The following SEC23A variants were observed in gnomAD, a reference collection of about 807,000 sequenced individuals.
SEC23A encodes the protein SEC23 homolog A, COPII component.
A neutral mutation model predicts 103.7 loss-of-function variants in SEC23A; 56 were observed. That is an observed-to-expected ratio of 0.54 (90% CI 0.44 to 0.67). The LOEUF is 0.67. Ranked by LOEUF, SEC23A falls within the 30% of genes least tolerant of loss-of-function variation. The pLI is 0.00. For missense variants in SEC23A, 784 were observed against 936.4 expected, an observed-to-expected ratio of 0.84 and a Z score of 2.12; for synonymous variants, 281 against 293.0, an observed-to-expected ratio of 0.96 and a Z score of 0.42.
At position 39,091,692 on chromosome 14, in the gene SEC23A, T is replaced by C. The variant is rs1887669757; in HGVS notation, c.388A>G (p.Ile130Val). Residue 130 changes from isoleucine (I) to valine (V), a missense_variant, in exon 5 of 20, where the codon ATA becomes GTA. Ile to Val is a conservative substitution (Grantham distance 29). Transcript: ENST00000307712. Reference protein sequence around the residue: ...VVLRGPQMPLIFLYVVDTCME... With the variant: ...VVLRGPQMPLVFLYVVDTCME... ...CAAGTATCAACCACATAGAGGAATA[T>C]CAAAGGCATCTGAGGACCACGCTTT... 4.3e-6 allele frequency: 7 copies of C among 1,613,630 alleles called. No homozygotes were observed. The highest frequency in any genetic ancestry group is 5.9e-6 in the Non-Finnish European group (7 of 1,179,750).
intron 9 of SEC23A, among the ~76,000 whole-genome samples, chr14:39,069,142 A>G (rs1055646783): frequency 3.3e-5 from 5 of 152,162 alleles, no homozygotes; most frequent in African/African-American, 1.2e-4. Context: ...CTATGAAGGA[A>G]TTGTCCACAC....
At chr14:39,070,766 CCT>C (rs1368196367) in intron 9 of SEC23A, among the ~76,000 whole-genome samples, 1 of 152,198 alleles carries the variant, frequency 6.6e-6, no homozygotes, top group African/African-American at 2.4e-5. Flanking sequence ...GTAGCTCATG[CCT>C]ATAATCCCAG....
chr14:39,069,693 C>G (rs1886780757), intron 9 of SEC23A, among the ~76,000 whole-genome samples: 3 of 152,144 alleles, frequency 2.0e-5, no homozygotes, highest in Admixed American at 6.5e-5. Flanking sequence ...CTCCTGAGCT[C>G]AAGCAGTCCA....
chr14:39,096,305 C>T (rs915532247), intron 1 of SEC23A, among the ~76,000 whole-genome samples, 166 bp from the exon 2 acceptor site: 1 of 152,088 alleles, frequency 6.6e-6, no homozygotes, highest in East Asian at 1.9e-4. Flanking sequence ...CCGAGACAGG[C>T]GGATCACCTG....
At chr14:39,045,506 A>T (rs1011433756) in intron 15 of SEC23A, among the ~76,000 whole-genome samples, 182 bp from the exon 16 acceptor site, 2 of 150,670 alleles carry the variant, frequency 1.3e-5, no homozygotes, top group Non-Finnish European at 1.5e-5. Context: ...AGCTGCCTAA[A>T]AATAAAATTC....
chr14:39,074,816 A>C (rs897098000), intron 8 of SEC23A, among the ~76,000 whole-genome samples: 3 of 152,214 alleles, frequency 2.0e-5, no homozygotes, highest in African/African-American at 7.2e-5. Context: ...AACATAGCAC[A>C]AAAACAACAG....
In SEC23A at chr14:39,094,432, ATATATATATATTTT is replaced by A. The variant is rs1414701017; in HGVS notation, c.222-1202_222-1189del. Reference sequence around the variant, plus strand: ...TATATATATATATATATATATATATATATATATATATTTTTTTTTTTTTTTTTTCCCCTCCTGTA... The same window carrying A: ...TATATATATATATATATATATATATATTTTTTTTTTTTTTCCCCTCCTGTA... On this transcript the variant is annotated intron_variant, in intron 2 of 19. Coordinates refer to ENST00000307712, the MANE Select transcript of SEC23A (RefSeq NM_006364.4). 6.1e-3 allele frequency among the ~76,000 whole-genome samples: 223 copies of A among 36,842 alleles called. 45 individuals are homozygous for A. The highest frequency in any genetic ancestry group is 0.041 in the African/African-American group (176 of 4,262). The allele number at this position is 36,842 out of a possible 152,430, so 24.2% of individuals were successfully genotyped here. A position where few individuals can be genotyped will look rare whatever the true frequency, so the allele number is the denominator to read the frequency against.
chr14:39,091,523 C>A lies in SEC23A; in HGVS notation c.557G>T (p.Ser186Ile), dbSNP rs541602739. The stretch of plus-strand genomic sequence containing the variant: ...ATCTTTTGTTCCTCTGAAGACATAG[C>A]TTTTTGAAATGCCTTCACATCCAAG... Reference protein sequence around the residue: ...HELGCEGISKSYVFRGTKDLS... With the variant: ...HELGCEGISKIYVFRGTKDLS... Residue 186 changes from serine (S) to isoleucine (I), a missense_variant, in exon 5 of 20, where the codon AGC becomes ATC. Around this residue, in one of 2 missense-constraint regions of SEC23A, gnomAD observed 683 missense variants for 774.2 expected, o/e 0.88. Coordinates refer to ENST00000307712, the MANE Select transcript of SEC23A (RefSeq NM_006364.4). 3.7e-6 allele frequency: 6 copies of A among 1,613,990 alleles called. No individual in the cohort carries two copies. The highest frequency in any genetic ancestry group is 5.1e-6 in the Non-Finnish European group (6 of 1,179,982).
In SEC23A at chr14:39,040,801, A is replaced by G. The variant is rs1885611798; in HGVS notation, c.2073T>C (p.Asp691=). ...FRHLLQAPVD[D]AQEILHSRFP... is the part of the protein sequence containing the mutation. ...ATCTGGAGTGAAGAATTTCCTGTGCATCATCCACTGGGGCTTGCAGAAGGT... is the reference window on the plus strand; with the variant it reads ...ATCTGGAGTGAAGAATTTCCTGTGCGTCATCCACTGGGGCTTGCAGAAGGT... Residue 691 remains aspartate, a synonymous_variant, in exon 18 of 20, where the codon GAT becomes GAC. Transcript: ENST00000307712. 1.2e-6 allele frequency: 2 copies of G among 1,614,094 alleles called. No individual in the cohort carries two copies. The highest frequency in any genetic ancestry group is 1.7e-5 in the Admixed American group (1 of 60,004).
intron 7 of SEC23A, among the ~76,000 whole-genome samples, chr14:39,076,926 CAA>C (rs1206978231): frequency 1.8e-5 from 2 of 108,856 alleles, no homozygotes. Flanking sequence ...GACTCCGTCT[CAA>C]AAAAAAAAAA....
chr14:39,101,212 C>T (rs1888079972), intron 1 of SEC23A, among the ~76,000 whole-genome samples: 1 of 152,132 alleles, frequency 6.6e-6, no homozygotes, highest in Non-Finnish European at 1.5e-5. Flanking sequence ...TGTCCAATTT[C>T]AGTACAATAT....
intron 7 of SEC23A, among the ~76,000 whole-genome samples, chr14:39,080,817 A>C (rs1229347503): frequency 6.6e-6 from 1 of 152,182 alleles, no homozygotes; most frequent in African/African-American, 2.4e-5. Context: ...AATACATATA[A>C]AGAGGGCCTA....
At chr14:39,033,397 T>C in intron 19 of SEC23A, 69 bp from the exon 20 acceptor site, 6 of 1,041,028 alleles carry the variant, frequency 5.8e-6, no homozygotes, top group Non-Finnish European at 6.0e-6. Flanking sequence ...ACACAAATGT[T>C]TAAAATAGAC....
intron 9 of SEC23A, among the ~76,000 whole-genome samples, chr14:39,072,000 G>A (rs9743749): frequency 0.28 from 41,832 of 152,002 alleles, 6,722 homozygotes; most frequent in Non-Finnish European, 0.35. Flanking sequence ...TTAGGAGGCC[G>A]AGGTGGGTGG....
intron 5 of SEC23A, chr14:39,091,248 A>T (rs950303305): frequency 2.2e-5 from 12 of 545,766 alleles, no homozygotes; most frequent in African/African-American, 2.1e-4. Context: ...TGTTGGTTTG[A>T]CTTTAAATTT....
intron 19 of SEC23A, 40 bp from the exon 20 acceptor site, chr14:39,033,368 G>T: frequency 1.6e-6 from 2 of 1,289,406 alleles, no homozygotes; most frequent in Non-Finnish European, 2.3e-6. Context: ...AAAGCATAGG[G>T]TGATATCATG....
At chr14:39,049,201 G>A (rs1885954832) in intron 14 of SEC23A, among the ~76,000 whole-genome samples, 1 of 151,826 alleles carries the variant, frequency 6.6e-6, no homozygotes. Context: ...ATTGTGGCCG[G>A]GCGCAGTGGC....
At position 39,045,276 on chromosome 14, in the gene SEC23A, T is replaced by C; in HGVS notation, c.1786A>G (p.Ser596Gly). 6.2e-7 allele frequency: 1 copy of C among 1,612,130 alleles called. No homozygotes were observed. ...RSSFLQVFNNSPDESSYYRHH... is the reference protein window; with the variant it reads ...RSSFLQVFNNGPDESSYYRHH... ...CGATAATATGAACTCTCATCAGGAC[T>C]ATTGTTAAAAACTTGCAGGAAAGAA... The change falls in exon 16 of 20, where the codon AGT becomes GGT. Residue 596 changes from serine to glycine, a missense_variant. Coordinates refer to ENST00000307712, the MANE Select transcript of SEC23A (RefSeq NM_006364.4).
chr14:39,055,026 T>C (rs1315239512), intron 14 of SEC23A, 117 bp downstream of exon 14: 18 of 1,175,494 alleles, frequency 1.5e-5, no homozygotes, highest in Non-Finnish European at 2.2e-5. Flanking sequence ...TGAATAGGAG[T>C]TTCTCATACA....
Sources: gnomAD v4.1 joint callset for allele counts (sites outside exome capture counted in the v4.1 genomes callset) on GRCh38, gnomAD v4.1.1 for gene constraint, gnomAD v4.1.1 regional missense constraint, MANE v1.5 for transcripts, NCBI Gene and HGNC (gene_info 2026-07-23, HGNC 2026-07-21) for gene names.